The following MYO1C variants were observed in gnomAD, a reference collection of about 807,000 sequenced individuals.
MYO1C encodes unconventional myosin-Ic.
Under a neutral mutation model 150.8 loss-of-function variants are expected in MYO1C, and 104 were observed. The observed-to-expected ratio is 0.69, with a 90% CI of 0.59 to 0.81. The LOEUF (loss-of-function observed/expected upper bound fraction) is 0.81, where lower values mean the gene tolerates loss of function less well. Ranked by LOEUF, MYO1C falls within the 30% of genes least tolerant of loss-of-function variation. The pLI is 0.00. For missense variants in MYO1C, 1,504 were observed against 1,435.0 expected, an observed-to-expected ratio of 1.05 and a Z score of -0.78; for synonymous variants, 663 against 579.9, an observed-to-expected ratio of 1.14 and a Z score of -2.06.
At chr17:1,487,715 C>T (rs376545893) in intron 1 of MYO1C, among the ~76,000 whole-genome samples, 1 of 152,134 alleles carries the variant, frequency 6.6e-6, no homozygotes, top group African/African-American at 2.4e-5. Flanking sequence ...TTCAGGAGTT[C>T]GAGACCAGCC....
chr17:1,483,640 C>A lies in MYO1C; in HGVS notation c.317G>T (p.Gly106Val). The A allele has an allele frequency of 6.2e-7, 1 of 1,612,524 alleles. No homozygotes were observed. Among genetic ancestry groups the A allele is most frequent in the Non-Finnish European group, 8.5e-7 (1 of 1,179,500 alleles). The change falls in exon 3 of 32, where the codon GGC becomes GTC. Residue 106 changes from glycine (G) to valine (V), a missense_variant. Gly to Val is a moderately radical substitution (Grantham distance 109). Transcript: ENST00000648651. ...AGGGGGCACTTCATAGAAGCTGACG[C>A]CACGGTAACGCTCCATATGCTGCCG... is the stretch of plus-strand genomic sequence containing the variant. ...YSRQHMERYRGVSFYEVPPHL... is the reference protein window; with the variant it reads ...YSRQHMERYRVVSFYEVPPHL...
intron 15 of MYO1C, 37 bp downstream of exon 15, chr17:1,474,901 G>A (rs775104128): frequency 1.4e-5 from 23 of 1,611,438 alleles, no homozygotes; most frequent in Middle Eastern, 1.7e-4. Context: ...GAGCCTCCCC[G>A]CAGGCCCCTG....
At position 1,479,377 on chromosome 17, in the gene MYO1C, G is replaced by A; in HGVS notation, c.1092+54C>T. ...GGCGAAGGGGAGTGATGGGAGTAGG[G>A]GCTGCCTTGGAACAGCTGCCCCTCC... On this transcript the variant is annotated intron_variant, in intron 9 of 31. Coordinates refer to ENST00000648651, the MANE Select transcript of MYO1C (RefSeq NM_001080779.2). This position sits in a 1 kb window ranked among gnomAD's most constrained non-coding sequence, Gnocchi z 4.2. The A allele has an allele frequency of 1.2e-6, 1 of 843,712 alleles. No homozygotes were observed. The highest frequency in any genetic ancestry group is 2.0e-6 in the Non-Finnish European group (1 of 512,136). 52.3% of individuals were successfully genotyped at this position (843,712 alleles called of 1,614,324 possible). A position where few individuals can be genotyped will look rare whatever the true frequency, so the allele number is the denominator to read the frequency against.
Position 1,470,532 on chromosome 17 carries a change from C to T in MYO1C, c.2282-13G>A. On this transcript the variant is annotated splice_polypyrimidine_tract_variant and intron_variant, in intron 22 of 31. Transcript: ENST00000648651. ...TGGATGCAGATGGCTGTCGTGGAGA[C>T]CACAGATGGCTGAACTCTATCTTCT... 4.5e-6 allele frequency: 7 copies of T among 1,555,714 alleles called. No individual in the cohort carries two copies. Among genetic ancestry groups the T allele is most frequent in the Non-Finnish European group, 6.1e-6 (7 of 1,149,138 alleles).
chr17:1,472,006 A>G lies in MYO1C; in HGVS notation c.1922T>C (p.Leu641Pro), dbSNP rs760460910. 5.6e-6 allele frequency: 9 copies of G among 1,613,808 alleles called. No individual in the cohort carries two copies. In the African/African-American group the frequency reaches 1.2e-4, roughly 22 times the overall value. ...AKQPGRFDEV[L>P]IRHQVKYLGL... ...CAGGTACTTCACCTGGTGGCGGATC[A>G]GCACCTCGTCAAAGCGGCCTGGGGT... Residue 641 changes from leucine (L) to proline (P), a missense_variant, in exon 19 of 32, where the codon CTG becomes CCG. By Grantham distance (98) the Leu-to-Pro change is moderately conservative (BLOSUM62 -3). Coordinates refer to ENST00000648651, the MANE Select transcript of MYO1C (RefSeq NM_001080779.2).
chr17:1,477,526 T>C lies in MYO1C; in HGVS notation c.1553A>G (p.Lys518Arg), dbSNP rs2074423866. The C allele has an allele frequency of 6.2e-7, 1 of 1,613,556 alleles. No homozygotes were observed. The highest frequency in any genetic ancestry group is 1.7e-5 in the Admixed American group (1 of 60,004). Residue 518 changes from lysine to arginine, a missense_variant, in exon 14 of 32, where the codon AAG (lysine) becomes AGG (arginine). Lys to Arg is a conservative substitution (Grantham distance 26, BLOSUM62 2). Transcript: ENST00000648651. Reference protein sequence around the residue: ...TFLEKLEDTVKHHPHFLTHKL... With the variant: ...TFLEKLEDTVRHHPHFLTHKL... ...TCACGTCAGGAAGTGTGGATGGTGC[T>C]TGACAGTATCCTCCAGCTTCTCCAG... is the stretch of plus-strand genomic sequence containing the variant.
intron 4 of MYO1C, 69 bp from the exon 5 acceptor site, chr17:1,482,627 C>T: frequency 1.8e-6 from 2 of 1,088,330 alleles, no homozygotes; most frequent in South Asian, 1.3e-5. Context: ...CGCCTTGTAG[C>T]TACTGCTGCC....
intron 1 of MYO1C, among the ~76,000 whole-genome samples, chr17:1,490,021 C>T (rs2074710576): frequency 7.9e-6 from 1 of 127,142 alleles, no homozygotes; most frequent in South Asian, 2.4e-4. Context: ...GACTGAGTGA[C>T]AGAGACACTG....
At chr17:1,468,229 T>A in intron 27 of MYO1C, 24 bp downstream of exon 27, 1 of 1,612,902 alleles carries the variant, frequency 6.2e-7, no homozygotes, top group Non-Finnish European at 8.5e-7. Flanking sequence ...GCTGCTGGAC[T>A]CAGGGCTGCA....
At chr17:1,473,155 G>C (rs888740977) in intron 17 of MYO1C, among the ~76,000 whole-genome samples, 4 of 152,192 alleles carry the variant, frequency 2.6e-5, no homozygotes, top group African/African-American at 9.7e-5. Context: ...AGCCGAGATC[G>C]CGCCACTGCA....
chr17:1,471,343 A>T lies in MYO1C; in HGVS notation c.2022-7T>A. 6.2e-7 allele frequency: 1 copy of T among 1,612,544 alleles called. No individual in the cohort carries two copies. The highest frequency in any genetic ancestry group is 8.5e-7 in the Non-Finnish European group (1 of 1,179,190). Reference sequence around the variant, plus strand: ...TGGGCACAGTGACTTGTACCTGGGGACAGGAATGCACGCGGCTCCCACCCC... The same window carrying T: ...TGGGCACAGTGACTTGTACCTGGGGTCAGGAATGCACGCGGCTCCCACCCC... On this transcript the variant is annotated splice_region_variant and splice_polypyrimidine_tract_variant and intron_variant, in intron 19 of 31. Transcript: ENST00000648651.
chr17:1,485,609 G>T, intron 1 of MYO1C: 2 of 1,024,738 alleles, frequency 2.0e-6, no homozygotes, highest in Non-Finnish European at 2.5e-6. Flanking sequence ...GGCCGCGCCC[G>T]CTTCCTGGCG....
chr17:1,481,991 G>A (rs951750678), intron 5 of MYO1C, among the ~76,000 whole-genome samples: 6 of 152,010 alleles, frequency 3.9e-5, no homozygotes, highest in African/African-American at 7.3e-5. Context: ...TGGCTGTTCC[G>A]TTCCCGCTGC....
chr17:1,490,606 A>G (rs1462572390), intron 1 of MYO1C, among the ~76,000 whole-genome samples: 3 of 152,018 alleles, frequency 2.0e-5, no homozygotes, highest in African/African-American at 7.3e-5. Context: ...TCCTCCTACC[A>G]ATCCATTTCC....
At chr17:1,466,630 T>C (rs1345374438) in intron 31 of MYO1C, among the ~76,000 whole-genome samples, 1 of 148,064 alleles carries the variant, frequency 6.8e-6, no homozygotes, top group African/African-American at 2.5e-5. Context: ...GCCTGGCCTT[T>C]TTTTTTTTTT....
At chr17:1,489,066 G>A (rs950120937) in intron 1 of MYO1C, among the ~76,000 whole-genome samples, 3 of 152,194 alleles carry the variant, frequency 2.0e-5, no homozygotes, top group Admixed American at 6.5e-5. Flanking sequence ...TGAGGCACCC[G>A]GGACTGCTGC....
In MYO1C at chr17:1,472,038, A is replaced by C; in HGVS notation, c.1904-14T>G. Reference sequence around the variant, plus strand: ...CGTCAAAGCGGCCTGGGGTAGGGGGAGCGCCGTGGTCAGCGGGCTGGCGCT... The same window carrying C: ...CGTCAAAGCGGCCTGGGGTAGGGGGCGCGCCGTGGTCAGCGGGCTGGCGCT... On this transcript the variant is annotated splice_polypyrimidine_tract_variant and intron_variant, in intron 18 of 31. Transcript: ENST00000648651. 1.2e-6 allele frequency: 2 copies of C among 1,613,530 alleles called. No individual in the cohort carries two copies. Among genetic ancestry groups the C allele is most frequent in the Non-Finnish European group, 1.7e-6 (2 of 1,179,702 alleles).
At position 1,484,476 on chromosome 17, in the gene MYO1C, GGGCCGGGTGCGGAA is replaced by G. The variant is rs1567534447; in HGVS notation, c.76-187_76-174del. ...TGGGTGCTGAGGGCCTGGGTGTGGTGGGCCGGGTGCGGAAAGCCGGGTGTGGAGGGCCCGGGTCC... is the reference window on the plus strand; with the variant it reads ...TGGGTGCTGAGGGCCTGGGTGTGGTGAGCCGGGTGTGGAGGGCCCGGGTCC... On this transcript the variant is annotated intron_variant, in intron 1 of 31. Coordinates refer to ENST00000648651, the MANE Select transcript of MYO1C (RefSeq NM_001080779.2). 2.4e-5 allele frequency: 18 copies of G among 741,020 alleles called. No individual in the cohort carries two copies. The Admixed American group carries it at 2.8e-4, about 12-fold the overall frequency. 45.9% of individuals were successfully genotyped at this position (741,020 alleles called of 1,614,324 possible).
At chr17:1,465,897 G>T in intron 31 of MYO1C, 145 bp from the exon 32 acceptor site, 1 of 543,348 alleles carries the variant, frequency 1.8e-6, no homozygotes, top group Non-Finnish European at 2.8e-6. Flanking sequence ...GGACTCCTGG[G>T]CTCAAGCTGT....
Sources: gnomAD v4.1 joint callset for allele counts (sites outside exome capture counted in the v4.1 genomes callset) on GRCh38, gnomAD v4.1.1 for gene constraint, Gnocchi (gnomAD v3.1) non-coding constraint, MANE v1.5 for transcripts, NCBI Gene and HGNC (gene_info 2026-07-23, HGNC 2026-07-21) for gene names.